Variants in BCR observed in about 807,000 individuals in gnomAD.
The protein encoded by BCR is BCR activator of RhoGEF and GTPase, also known as breakpoint cluster region protein.
Under a neutral mutation model 138.6 loss-of-function variants are expected in BCR, and 58 were observed. The observed-to-expected ratio is 0.42, with a 90% confidence interval of 0.34 to 0.52. BCR has a LOEUF of 0.52. Ranked by LOEUF, BCR falls within the 20% of genes least tolerant of loss-of-function variation. The pLI is 0.06. For synonymous variants in BCR, 786 were observed against 730.1 expected (o/e 1.08, Z -1.23); for missense variants, 1,599 against 1,727.2 (o/e 0.93, Z 1.32).
intron 16 of BCR, among the ~76,000 whole-genome samples, chr22:23,297,079 C>T (rs1373673714): frequency 6.6e-6 from 1 of 152,114 alleles, no homozygotes; most frequent in Non-Finnish European, 1.5e-5. Flanking sequence ...GCTGTGTCTC[C>T]CAGGCTGGCG....
At chr22:23,208,107 G>A (rs958647177) in intron 1 of BCR, among the ~76,000 whole-genome samples, 3 of 152,222 alleles carry the variant, frequency 2.0e-5, no homozygotes, top group South Asian at 2.1e-4. Flanking sequence ...CAGACACGCT[G>A]GAGCTTCGTG....
chr22:23,264,275 T>C (rs531655486), intron 4 of BCR: 116 of 917,038 alleles, frequency 1.3e-4, no homozygotes, highest in Non-Finnish European at 1.8e-4. Context: ...TCGGCAGCCC[T>C]GTGTACTGCC....
intron 16 of BCR, among the ~76,000 whole-genome samples, chr22:23,304,179 A>G (rs2073933717): frequency 7.1e-6 from 1 of 141,114 alleles, no homozygotes; most frequent in African/African-American, 2.7e-5. Flanking sequence ...GGCTCAAGTG[A>G]TCCTCCTGCC....
intron 1 of BCR, among the ~76,000 whole-genome samples, chr22:23,194,956 G>C (rs9624047): frequency 0.29 from 43,968 of 151,688 alleles, 6,448 homozygotes; most frequent in East Asian, 0.35. Context: ...CTCTAAAAAG[G>C]AAATAAATAA....
At chr22:23,297,221 G>GTTTTTTT (rs796682596) in intron 16 of BCR, among the ~76,000 whole-genome samples, 19 of 114,890 alleles carry the variant, frequency 1.7e-4, no homozygotes, top group South Asian at 5.7e-4. Context: ...TTTGTTTTTT[G>GTTTTTTT]TTTTTTTTTT....
intron 1 of BCR, among the ~76,000 whole-genome samples, chr22:23,245,299 T>G (rs1295786902): frequency 6.6e-6 from 1 of 152,036 alleles, no homozygotes; most frequent in Non-Finnish European, 1.5e-5. Flanking sequence ...TTCCAGCCTA[T>G]GGGGGGCCTT....
rs111960763 is a variant in BCR, at chr22:23,233,984, T to C, written c.1280-19815T>C. Among the ~76,000 whole-genome samples, 1,351 of 151,710 alleles carry C rather than the reference T, an allele frequency of 8.9e-3. 11 individuals are homozygous for C. The highest frequency in any genetic ancestry group is 0.015 in the Non-Finnish European group (1,046 of 67,914). ...TGACCAAAAACATCACTTCTGGGTT[T>C]TGTGACTCAGAAATGAGCTCAGCCT... is the stretch of plus-strand genomic sequence containing the variant. On this transcript the variant is annotated intron_variant, in intron 1 of 22. Coordinates refer to ENST00000305877, the MANE Select transcript of BCR (RefSeq NM_004327.4).
At chr22:23,262,348 C>G (rs2073371202) in intron 4 of BCR, among the ~76,000 whole-genome samples, 1 of 152,150 alleles carries the variant, frequency 6.6e-6, no homozygotes, top group African/African-American at 2.4e-5. Context: ...GTTTTCTGCT[C>G]TGAGGTGTGG....
At position 23,273,615 on chromosome 22, in the gene BCR, G is replaced by A. The variant is rs753397210; in HGVS notation, c.1975-19G>A. On this transcript the variant is annotated intron_variant, in intron 7 of 22. Coordinates refer to ENST00000305877, the MANE Select transcript of BCR (RefSeq NM_004327.4). ...CAGTGCTCCTCTGTGTCTAACTCAAGTCTTTCTTCCTGGGGCAGGACTTGC... is the reference window on the plus strand; with the variant it reads ...CAGTGCTCCTCTGTGTCTAACTCAAATCTTTCTTCCTGGGGCAGGACTTGC... 1.2e-6 allele frequency: 2 copies of A among 1,613,090 alleles called. No homozygotes were observed. The highest frequency in any genetic ancestry group is 1.7e-5 in the Admixed American group (1 of 60,030).
intron 1 of BCR, among the ~76,000 whole-genome samples, chr22:23,215,347 C>T (rs150395661): frequency 6.6e-6 from 1 of 152,236 alleles, no homozygotes; most frequent in African/African-American, 2.4e-5. Context: ...CACATGTGCC[C>T]CAGGTACCAC....
At position 23,225,499 on chromosome 22, in the gene BCR, G is replaced by A. The variant is rs181680592; in HGVS notation, c.1280-28300G>A. ...CTTGCACGGGGACCTGGAGGATGTG[G>A]CCCAAGCTCAGTCTCCTTCAGTCTG... On this transcript the variant is annotated intron_variant, in intron 1 of 22. Coordinates refer to ENST00000305877, the MANE Select transcript of BCR (RefSeq NM_004327.4). Among the ~76,000 whole-genome samples the A allele has an allele frequency of 2.0e-3, 302 of 152,302 alleles. 2 individuals carry two copies. Among genetic ancestry groups the A allele is most frequent in the African/African-American group, 5.5e-3 (227 of 41,574 alleles).
At chr22:23,297,542 T>C (rs975269713) in intron 16 of BCR, among the ~76,000 whole-genome samples, 1 of 152,110 alleles carries the variant, frequency 6.6e-6, no homozygotes, top group African/African-American at 2.4e-5. Flanking sequence ...CTCCCACTTC[T>C]CTCTCCCTCT....
intron 1 of BCR, among the ~76,000 whole-genome samples, chr22:23,212,543 A>G (rs1268533630): frequency 6.6e-6 from 1 of 152,202 alleles, no homozygotes; most frequent in Non-Finnish European, 1.5e-5. Flanking sequence ...GTAAGCCCCC[A>G]CTGGGCTCTG....
chr22:23,187,631 G>A (rs957230305), intron 1 of BCR, among the ~76,000 whole-genome samples: 2 of 151,818 alleles, frequency 1.3e-5, no homozygotes, highest in Admixed American at 6.6e-5. Context: ...ACCACACCCA[G>A]CCTCCTCCTT....
chr22:23,268,724 G>A (rs1414312107), intron 5 of BCR, among the ~76,000 whole-genome samples: 8 of 152,182 alleles, frequency 5.3e-5, no homozygotes, highest in East Asian at 1.9e-4. Flanking sequence ...CTGCCTCCCC[G>A]GGGGCGAGGG....
At chr22:23,303,877 T>G (rs1008328798) in intron 16 of BCR, among the ~76,000 whole-genome samples, 2 of 151,978 alleles carry the variant, frequency 1.3e-5, no homozygotes, top group Admixed American at 6.6e-5. Context: ...GCTGTACAAC[T>G]TTTACCAACA....
In BCR at chr22:23,317,434, A is replaced by C. The variant is rs1412500367; in HGVS notation, c.*1912A>C. On this transcript the variant is annotated 3_prime_UTR_variant, in exon 23 of 23. Transcript: ENST00000305877. Reference sequence around the variant, plus strand: ...GGCTTCCATCTCTGTCTCAGCGACCATTCAGCCCTGCGCAGGAACACGTGT... The same window carrying C: ...GGCTTCCATCTCTGTCTCAGCGACCCTTCAGCCCTGCGCAGGAACACGTGT... The C allele has an allele frequency of 6.6e-6, 1 of 152,492 alleles. No homozygotes were observed. The highest frequency in any genetic ancestry group is 1.2e-5 in the Non-Finnish European group (1 of 83,234). The allele number at this position is 152,492 out of a possible 1,614,324, so 9.4% of individuals were successfully genotyped here.
Position 23,180,926 on chromosome 22 carries a change from C to G in BCR, c.-35C>G. The stretch of plus-strand genomic sequence containing the variant: ...CGCCGCCGCTGAGACGGGCCCCGCG[C>G]GCAGCCCGGCGGCGCAGGTAAGGCC... On this transcript the variant is annotated 5_prime_UTR_variant, in exon 1 of 23. Coordinates refer to ENST00000305877, the MANE Select transcript of BCR (RefSeq NM_004327.4). 9.0e-7 allele frequency: 1 copy of G among 1,112,674 alleles called. No homozygotes were observed. Among genetic ancestry groups the G allele is most frequent in the Non-Finnish European group, 1.1e-6 (1 of 907,408 alleles). 68.9% of individuals were successfully genotyped at this position (1,112,674 alleles called of 1,614,324 possible).
intron 1 of BCR, among the ~76,000 whole-genome samples, chr22:23,230,264 G>A (rs575239512): frequency 6.6e-6 from 1 of 152,312 alleles, no homozygotes; most frequent in South Asian, 2.1e-4. Context: ...CCTGTGGATA[G>A]TGGGAAAGGC....
Sources: allele counts gnomAD v4.1 joint callset (sites outside exome capture counted in the v4.1 genomes callset), GRCh38; gene constraint gnomAD v4.1.1; transcripts MANE v1.5; gene names NCBI Gene and HGNC (gene_info 2026-07-23, HGNC 2026-07-21).